Variants in CBR4 observed in about 807,000 individuals in gnomAD.
The protein encoded by CBR4 is carbonyl reductase 4, also known as 3-oxoacyl-[acyl-carrier-protein] reductase.
CBR4 carries 22 observed loss-of-function variants against 21.0 expected under a neutral mutation model. The ratio of observed to expected loss-of-function variants is 1.05; its 90% confidence interval spans 0.75 to 1.50. The LOEUF (loss-of-function observed/expected upper bound fraction) is 1.50. CBR4 is among the 40% of genes most tolerant of loss of function. The pLI is 0.00. For missense variants in CBR4, 302 were observed against 286.3 expected (o/e 1.05, Z -0.40); for synonymous variants, 100 against 104.4 (o/e 0.96, Z 0.26).
chr4:168,960,345 ACATGGAAC>A (rs1360403503), intron 2 of CBR4, among the ~76,000 whole-genome samples: 1 of 152,228 alleles, frequency 6.6e-6, no homozygotes, highest in Non-Finnish European at 1.5e-5. Flanking sequence ...GGGAGGAGAA[ACATGGAAC>A]CATATAACAA....
At chr4:168,908,743 C>T (rs145128224) in intron 2 of CBR4, among the ~76,000 whole-genome samples, 11 of 152,168 alleles carry the variant, frequency 7.2e-5, no homozygotes, top group Non-Finnish European at 1.3e-4. Context: ...AAGAGGAAGA[C>T]TAGAGTGGAA....
At chr4:168,954,228 C>T (rs1763623348) in intron 2 of CBR4, among the ~76,000 whole-genome samples, 1 of 152,124 alleles carries the variant, frequency 6.6e-6, no homozygotes, top group Non-Finnish European at 1.5e-5. Context: ...TTCTTAAGCA[C>T]AACACTGAAA....
intron 2 of CBR4, among the ~76,000 whole-genome samples, chr4:168,902,735 C>T (rs1473776665): frequency 1.3e-5 from 2 of 152,080 alleles, no homozygotes; most frequent in Non-Finnish European, 2.9e-5. Context: ...ACCCTTTGGA[C>T]TACTTAAAAA....
chr4:168,915,849 A>G (rs758126879), intron 2 of CBR4: 1 of 1,508,434 alleles, frequency 6.6e-7, no homozygotes. Context: ...TCTGGAAGTA[A>G]CTACTATCTA....
At chr4:168,912,660 A>T (rs770355509) in intron 2 of CBR4, among the ~76,000 whole-genome samples, 36 of 152,218 alleles carry the variant, frequency 2.4e-4, no homozygotes, top group Non-Finnish European at 5.0e-4. Flanking sequence ...CAAAGCATGT[A>T]TACAACGTAT....
intron 2 of CBR4, among the ~76,000 whole-genome samples, chr4:168,958,883 T>G (rs971204045): frequency 7.2e-5 from 11 of 152,220 alleles, no homozygotes; most frequent in African/African-American, 2.4e-4. Context: ...CCATGTTTTA[T>G]TTTGTTGTCT....
intron 2 of CBR4, among the ~76,000 whole-genome samples, chr4:168,900,952 A>C (rs897807662): frequency 6.6e-6 from 1 of 152,236 alleles, no homozygotes; most frequent in African/African-American, 2.4e-5. Flanking sequence ...TCAAATTCTA[A>C]GATTATTGAT....
intron 2 of CBR4, among the ~76,000 whole-genome samples, chr4:168,976,152 G>A (rs13131748): frequency 0.68 from 102,715 of 152,018 alleles, 36,675 homozygotes; most frequent in East Asian, 0.96. Context: ...TTCACGCTTA[G>A]TCAAAATTAT....
chr4:168,987,747 C>T lies in CBR4; in HGVS notation c.*2403G>A, dbSNP rs926228805. The T allele has an allele frequency of 1.0e-5, 10 of 985,058 alleles. No homozygotes were observed. The highest frequency in any genetic ancestry group is 1.2e-5 in the Non-Finnish European group (10 of 829,710). 61.0% of individuals were successfully genotyped at this position (985,058 alleles called of 1,614,324 possible). A position where few individuals can be genotyped will look rare whatever the true frequency, so the allele number is the denominator to read the frequency against. ...TCTTGAATATGCAGCGTAGTCTTCT[C>T]TCTTTATTCTGAATAACAGAAGCAC... On this transcript the variant is annotated 3_prime_UTR_variant, in exon 5 of 5. Coordinates refer to ENST00000306193, the MANE Select transcript of CBR4 (RefSeq NM_032783.5).
rs1253877800 is a variant in CBR4, at chr4:168,938,555, A to G, written n.170-43790T>C. ...TTTTTTGACAAGATCAACAAAATAG[A>G]CCACTAGCCAGGCTACTAAAGAAGA... On this transcript the variant is annotated intron_variant and non_coding_transcript_variant, in intron 2 of 3. Coordinates refer to the CBR4 transcript ENST00000509108. Among the ~76,000 whole-genome samples, 3 of 152,286 alleles carry G rather than the reference A, an allele frequency of 2.0e-5. 1 individual carries two copies. The East Asian group carries it at 5.8e-4, about 29-fold the overall frequency.
chr4:168,918,325 G>GATATATATAT (rs71588177), intron 2 of CBR4, among the ~76,000 whole-genome samples: 65 of 149,548 alleles, frequency 4.3e-4, no homozygotes, highest in South Asian at 8.4e-4. Flanking sequence ...GAAAATATGA[G>GATATATATAT]ATATATATAT....
chr4:168,895,597 C>T (rs189437267), intron 2 of CBR4, among the ~76,000 whole-genome samples: 1 of 152,244 alleles, frequency 6.6e-6, no homozygotes, highest in East Asian at 1.9e-4. Flanking sequence ...ATTTACAATT[C>T]ATTAAGTGGA....
chr4:168,959,116 T>C (rs1230061381), intron 2 of CBR4, among the ~76,000 whole-genome samples: 2 of 152,216 alleles, frequency 1.3e-5, no homozygotes. Flanking sequence ...AATCACTGCC[T>C]ACCCCAAAGT....
chr4:168,925,250 TGAACCACACCA>T, intron 2 of CBR4: 1 of 1,609,038 alleles, frequency 6.2e-7, no homozygotes, highest in Non-Finnish European at 8.5e-7. Flanking sequence ...ACATTAATAG[TGAACCACACCA>T]GGAGAACAAA....
At chr4:168,952,160 C>T (rs747411540) in intron 2 of CBR4, among the ~76,000 whole-genome samples, 2 of 152,102 alleles carry the variant, frequency 1.3e-5, no homozygotes, top group Admixed American at 6.5e-5. Flanking sequence ...ATTTGTAGAC[C>T]TTGACTTCCA....
At chr4:168,986,165 G>C (rs190949044), downstream of CBR4, among the ~76,000 whole-genome samples, 12 of 152,260 alleles carry the variant, frequency 7.9e-5, no homozygotes, top group East Asian at 2.3e-3. Context: ...TATTTTCATT[G>C]CATTAGATAT....
intron 2 of CBR4, among the ~76,000 whole-genome samples, chr4:168,939,713 T>C (rs1187098183): frequency 2.0e-5 from 3 of 152,048 alleles, no homozygotes; most frequent in Non-Finnish European, 2.9e-5. Context: ...ATAAAATACT[T>C]AGGAACCCAA....
At chr4:168,894,587 A>G (rs754795126) in exon 3 of CBR4, 2 of 1,611,206 alleles carry the variant, frequency 1.2e-6, no homozygotes. Flanking sequence ...AGAGGTTAAC[A>G]TACGAAGAAA....
intron 2 of CBR4, among the ~76,000 whole-genome samples, chr4:168,910,119 G>C (rs1306823369): frequency 1.3e-5 from 2 of 151,798 alleles, no homozygotes; most frequent in African/African-American, 2.4e-5. Context: ...GAAATATTCT[G>C]TGGCAATATT....
Sources: gnomAD v4.1 joint callset for allele counts (sites outside exome capture counted in the v4.1 genomes callset) on GRCh38, gnomAD v4.1.1 for gene constraint, MANE v1.5 for transcripts, NCBI Gene and HGNC (gene_info 2026-07-23, HGNC 2026-07-21) for gene names.